The following TWIST2 variants were observed in gnomAD, a reference collection of about 807,000 sequenced individuals.
The protein encoded by TWIST2 is twist family bHLH transcription factor 2, also known as twist-related protein 2.
Under a neutral mutation model 11.6 loss-of-function variants are expected in TWIST2, and 1 was observed. That is an observed-to-expected ratio of 0.09 (90% CI 0.03 to 0.41). The LOEUF (loss-of-function observed/expected upper bound fraction) is 0.41, where lower values mean the gene tolerates loss of function less well. TWIST2 is among the 10% of genes least tolerant of loss of function. The pLI is 0.98. For synonymous variants in TWIST2, 87 were observed against 96.6 expected (o/e 0.90, Z 0.58); for missense variants, 168 against 226.4 (o/e 0.74, Z 1.66).
intron 1 of TWIST2, among the ~76,000 whole-genome samples, chr2:238,879,426 G>T (rs1574759732): frequency 6.6e-6 from 1 of 152,092 alleles, no homozygotes; most frequent in East Asian, 1.9e-4. Context: ...CTACATGTTG[G>T]GTCATGTGGT....
chr2:238,900,636 C>G lies in TWIST2; in HGVS notation c.*36-9206C>G, dbSNP rs916276140. ...CTTCTCTCGCTCTCCCGCATGGTCC[C>G]TGGACTCGCTGGGTATGGACTTTCG... On this transcript the variant is annotated intron_variant, in intron 1 of 1. Transcript: ENST00000612363. Among the ~76,000 whole-genome samples the G allele has an allele frequency of 4.8e-3, 737 of 152,322 alleles. 4 individuals carry two copies. The highest frequency in any genetic ancestry group is 0.017 in the African/African-American group (710 of 41,570).
chr2:238,890,058 T>A (rs894874246), intron 1 of TWIST2, among the ~76,000 whole-genome samples: 1 of 152,190 alleles, frequency 6.6e-6, no homozygotes, highest in Non-Finnish European at 1.5e-5. Context: ...GGCTTAGTTT[T>A]CGAGGACAGC....
At chr2:238,884,006 T>A (rs960877184) in intron 1 of TWIST2, among the ~76,000 whole-genome samples, 1 of 152,130 alleles carries the variant, frequency 6.6e-6, no homozygotes, top group Non-Finnish European at 1.5e-5. Context: ...TAATCTGAAT[T>A]CCCCTAGGGT....
At chr2:238,908,790 C>T (rs1693400281) in intron 1 of TWIST2, among the ~76,000 whole-genome samples, 2 of 143,694 alleles carry the variant, frequency 1.4e-5, no homozygotes, top group African/African-American at 5.2e-5. Flanking sequence ...TGTGTATGGA[C>T]AGTGGGATGC....
rs1246980230 is a variant in TWIST2, at chr2:238,866,266, A to C, written c.*35+17533A>C. On this transcript the variant is annotated intron_variant, in intron 1 of 1. Coordinates refer to ENST00000612363, the MANE Select transcript of TWIST2 (RefSeq NM_001271893.4). This position sits in a 1 kb window ranked among gnomAD's most constrained non-coding sequence, Gnocchi z 4.9. ...TCCATGGCGAGCTCCCCAGGCCAGGAGCATGTCTGTCCTTTTCACCCTGTA... is the reference window on the plus strand; with the variant it reads ...TCCATGGCGAGCTCCCCAGGCCAGGCGCATGTCTGTCCTTTTCACCCTGTA... Among the ~76,000 whole-genome samples, 1 of 152,178 alleles carries C rather than the reference A, an allele frequency of 6.6e-6. No homozygotes were observed. The highest frequency in any genetic ancestry group is 1.5e-5 in the Non-Finnish European group (1 of 68,024).
chr2:238,857,041 C>G (rs1034515707), intron 1 of TWIST2, among the ~76,000 whole-genome samples: 1 of 152,106 alleles, frequency 6.6e-6, no homozygotes, highest in African/African-American at 2.4e-5. Context: ...AAAGCAGAGG[C>G]CCCCAGAGGA....
intron 1 of TWIST2, among the ~76,000 whole-genome samples, chr2:238,898,161 C>A (rs924057829): frequency 6.6e-6 from 1 of 152,236 alleles, no homozygotes; most frequent in Non-Finnish European, 1.5e-5. Flanking sequence ...GGGCCAGCCC[C>A]GAGCAGGGAG....
chr2:238,909,513 G>A (rs1693416560), intron 1 of TWIST2, among the ~76,000 whole-genome samples: 1 of 152,162 alleles, frequency 6.6e-6, no homozygotes, highest in Non-Finnish European at 1.5e-5. Flanking sequence ...CCCACAGCCA[G>A]ACCGCATTCA....
Position 238,883,778 on chromosome 2 carries a change from G to A in TWIST2, c.*36-26064G>A, listed in dbSNP as rs980539788. 9.9e-5 allele frequency among the ~76,000 whole-genome samples: 15 copies of A among 152,214 alleles called. No homozygotes were observed. The East Asian group carries it at 1.4e-3, about 14-fold the overall frequency. On this transcript the variant is annotated intron_variant, in intron 1 of 1. Coordinates refer to ENST00000612363, the MANE Select transcript of TWIST2 (RefSeq NM_001271893.4). The stretch of plus-strand genomic sequence containing the variant: ...TTCCATGCCTTGCGGAGAGGGAGGC[G>A]GTTTTCAGGAATGAAAAGCTGACAG...
At chr2:238,896,761 A>T (rs907285266) in intron 1 of TWIST2, among the ~76,000 whole-genome samples, 39 of 152,132 alleles carry the variant, frequency 2.6e-4, no homozygotes, top group African/African-American at 8.7e-4. Flanking sequence ...TGCCACACAC[A>T]CACATGCTCT....
chr2:238,883,524 C>T (rs529508769), intron 1 of TWIST2, among the ~76,000 whole-genome samples: 1 of 152,180 alleles, frequency 6.6e-6, no homozygotes, highest in African/African-American at 2.4e-5. Context: ...AGCTGCAGAG[C>T]GAGGCGGAGA....
chr2:238,870,182 A>AC (rs1692629514), intron 1 of TWIST2, among the ~76,000 whole-genome samples: 1 of 71,820 alleles, frequency 1.4e-5, no homozygotes, highest in Non-Finnish European at 2.8e-5. Context: ...CACCCCACAC[A>AC]CACATCACAT....
At chr2:238,885,781 C>A (rs1559280569) in intron 1 of TWIST2, among the ~76,000 whole-genome samples, 1 of 152,114 alleles carries the variant, frequency 6.6e-6, no homozygotes. Flanking sequence ...GTTTTAAAAT[C>A]ACATTACTGG....
chr2:238,903,483 A>T, intron 1 of TWIST2, among the ~76,000 whole-genome samples: 1 of 89,652 alleles, frequency 1.1e-5, no homozygotes, highest in Non-Finnish European at 2.2e-5. Flanking sequence ...TGTGTGCATG[A>T]TGTGAGGTGT....
In TWIST2 at chr2:238,863,706, G is replaced by A. The variant is rs1692475370; in HGVS notation, c.*35+14973G>A. 1.3e-5 allele frequency among the ~76,000 whole-genome samples: 2 copies of A among 152,140 alleles called. No homozygotes were observed. Among genetic ancestry groups the A allele is most frequent in the Non-Finnish European group, 1.5e-5 (1 of 68,018 alleles). On this transcript the variant is annotated intron_variant, in intron 1 of 1. Coordinates refer to ENST00000612363, the MANE Select transcript of TWIST2 (RefSeq NM_001271893.4). The surrounding 1 kb of genome is among the most constrained non-coding windows in gnomAD (Gnocchi z 4.7). Reference sequence around the variant, plus strand: ...TCAATGAACCCCTTAGCTGTTCCCCGAACCCAAATTGAGAAGAGGTGCTTT... The same window carrying A: ...TCAATGAACCCCTTAGCTGTTCCCCAAACCCAAATTGAGAAGAGGTGCTTT...
intron 1 of TWIST2, among the ~76,000 whole-genome samples, chr2:238,905,897 G>T (rs1382550067): frequency 8.3e-6 from 1 of 120,210 alleles, no homozygotes; most frequent in East Asian, 2.8e-4. Flanking sequence ...GCGCATGCGC[G>T]TGTGTGCGTG....
In TWIST2 at chr2:238,848,590, G is replaced by T; in HGVS notation, c.375G>T (p.Glu125Asp). 6.4e-7 allele frequency: 1 copy of T among 1,570,082 alleles called. No homozygotes were observed. The highest frequency in any genetic ancestry group is 8.6e-7 in the Non-Finnish European group (1 of 1,162,732). The change falls in exon 1 of 2, where the codon GAG (glutamate) becomes GAT (aspartate). Residue 125 changes from glutamate (E) to aspartate (D), a missense_variant. Glu to Asp is a conservative substitution (Grantham distance 45). Around this residue, in one of 3 missense-constraint regions of TWIST2, gnomAD observed 62 missense variants for 75.3 expected, o/e 0.82. Coordinates refer to ENST00000612363, the MANE Select transcript of TWIST2 (RefSeq NM_001271893.4). ...DFLYQVLQSD[E>D]MDNKMTSCSY... ...TCTACCAGGTCCTGCAGAGCGACGAGATGGACAATAAGATGACCAGCTGCA... is the reference window on the plus strand; with the variant it reads ...TCTACCAGGTCCTGCAGAGCGACGATATGGACAATAAGATGACCAGCTGCA...
chr2:238,881,435 C>T (rs187172489), intron 1 of TWIST2, among the ~76,000 whole-genome samples: 35 of 150,662 alleles, frequency 2.3e-4, no homozygotes, highest in Admixed American at 8.6e-4. Context: ...GTATTAGTGT[C>T]GGTATTTATT....
chr2:238,870,365 ACCACACACC>A (rs1559273970), intron 1 of TWIST2, among the ~76,000 whole-genome samples: 2 of 232 alleles, frequency 8.6e-3, no homozygotes, highest in East Asian at 0.05. Context: ...CCACACACAC[ACCACACACC>A]CCACACACCC....
Sources: allele counts gnomAD v4.1 joint callset (sites outside exome capture counted in the v4.1 genomes callset), GRCh38; gene constraint gnomAD v4.1.1; regional missense constraint gnomAD v4.1.1; non-coding constraint Gnocchi (gnomAD v3.1); transcripts MANE v1.5; gene names NCBI Gene and HGNC (gene_info 2026-07-23, HGNC 2026-07-21).